Variants in NRG1 observed in about 807,000 individuals in gnomAD.
The protein encoded by NRG1 is neuregulin 1, also known as pro-neuregulin-1, membrane-bound isoform.
A neutral mutation model predicts 63.8 loss-of-function variants in NRG1; 18 were observed. That is an observed-to-expected ratio of 0.28 (90% CI 0.19 to 0.42). The LOEUF is 0.42. Ranked by LOEUF, NRG1 falls within the 10% of genes least tolerant of loss-of-function variation. The pLI is 1.00. For missense variants in NRG1, 762 were observed against 814.7 expected (o/e 0.94, Z 0.79); for synonymous variants, 302 against 301.3 (o/e 1.00, Z -0.02).
intron 1 of NRG1, among the ~76,000 whole-genome samples, chr8:31,695,714 A>C (rs555577636): frequency 2.3e-4 from 35 of 152,336 alleles, no homozygotes; most frequent in African/African-American, 7.9e-4. Flanking sequence ...CTTATAAACC[A>C]TTCTATTTTT....
intron 1 of NRG1, among the ~76,000 whole-genome samples, chr8:32,291,157 C>T (rs936489794): frequency 5.3e-5 from 8 of 152,138 alleles, no homozygotes; most frequent in African/African-American, 1.9e-4. Context: ...TTGTTCTCTT[C>T]GTGTCTTCAA....
At chr8:31,916,054 T>C (rs1833353992) in intron 1 of NRG1, among the ~76,000 whole-genome samples, 1 of 152,106 alleles carries the variant, frequency 6.6e-6, no homozygotes, top group Non-Finnish European at 1.5e-5. Context: ...CGTTAATTGA[T>C]GATACATTTT....
intron 1 of NRG1, among the ~76,000 whole-genome samples, chr8:31,664,932 C>T (rs1806371587): frequency 1.3e-5 from 2 of 152,066 alleles, no homozygotes; most frequent in South Asian, 4.2e-4. Context: ...AATAACTATC[C>T]CATAGGATTA....
At chr8:31,801,403 A>G (rs1821773613) in intron 1 of NRG1, among the ~76,000 whole-genome samples, 1 of 152,142 alleles carries the variant, frequency 6.6e-6, no homozygotes, top group Non-Finnish European at 1.5e-5. Flanking sequence ...TGTCTGCTAC[A>G]TCTTTTAGTT....
At chr8:32,017,476 CT>C (rs559921211) in intron 1 of NRG1, among the ~76,000 whole-genome samples, 276 of 152,272 alleles carry the variant, frequency 1.8e-3, no homozygotes, top group Middle Eastern at 3.4e-3. Context: ...CCAACACAGC[CT>C]GGATGGAGAT....
rs1586353694 is a variant in NRG1 at position 31,996,573 on chromosome 8, A to C, written c.37+357142A>C. The stretch of plus-strand genomic sequence containing the variant: ...AAGTGAGACCCTCTTCTCTACCAAA[A>C]AATAATTTAAAAAAAATTAGCCAGG... On this transcript the variant is annotated intron_variant, in intron 1 of 10. Coordinates refer to the NRG1 transcript ENST00000519301. Among the ~76,000 whole-genome samples the C allele has an allele frequency of 2.0e-5, 3 of 151,956 alleles. No individual in the cohort carries two copies. The South Asian group carries it at 6.2e-4, about 32-fold the overall frequency.
intron 5 of NRG1, among the ~76,000 whole-genome samples, chr8:32,661,426 G>A (rs1159354403): frequency 6.6e-6 from 1 of 152,130 alleles, no homozygotes; most frequent in Non-Finnish European, 1.5e-5. Flanking sequence ...AAGTATCTCA[G>A]TGTTATTAAA....
At chr8:31,921,420 A>G (rs972352826) in intron 1 of NRG1, among the ~76,000 whole-genome samples, 10 of 152,116 alleles carry the variant, frequency 6.6e-5, no homozygotes, top group African/African-American at 2.4e-4. Context: ...GCAATGTGGT[A>G]AAACCCTCAA....
At chr8:32,748,411 A>G (rs1827995573) in intron 7 of NRG1, among the ~76,000 whole-genome samples, 1 of 151,710 alleles carries the variant, frequency 6.6e-6, no homozygotes, top group African/African-American at 2.4e-5. Flanking sequence ...AGGAAGTCCT[A>G]GAGCCTTCCG....
intron 1 of NRG1, among the ~76,000 whole-genome samples, chr8:31,810,949 T>C (rs1822823902): frequency 6.6e-6 from 1 of 152,214 alleles, no homozygotes; most frequent in Non-Finnish European, 1.5e-5. Flanking sequence ...GATAATTCTT[T>C]TCTTTATTTC....
At chr8:31,639,748 G>A in intron 1 of NRG1, 1 of 1,357,800 alleles carries the variant, frequency 7.4e-7, no homozygotes, top group Non-Finnish European at 9.4e-7. Context: ...TTTCTATTTT[G>A]CCTTTTTTTT....
intron 1 of NRG1, among the ~76,000 whole-genome samples, chr8:32,125,167 G>A (rs1443758056): frequency 3.3e-5 from 5 of 151,878 alleles, no homozygotes; most frequent in Non-Finnish European, 4.4e-5. Context: ...AAATGTGCTG[G>A]TGCCTTGATC....
intron 1 of NRG1, among the ~76,000 whole-genome samples, chr8:32,263,677 C>G (rs1184186296): frequency 6.6e-6 from 1 of 152,140 alleles, no homozygotes; most frequent in Admixed American, 6.5e-5. Flanking sequence ...AATATTTTCC[C>G]CATACACCCA....
At chr8:32,548,915 C>G in intron 1 of NRG1, 89 bp downstream of exon 1, 1 of 1,431,450 alleles carries the variant, frequency 7.0e-7, no homozygotes, top group Non-Finnish European at 9.2e-7. Flanking sequence ...CTCTCCCTCC[C>G]CCTCTCCCTC....
chr8:31,667,627 A>G (rs144997389), intron 1 of NRG1, among the ~76,000 whole-genome samples: 8 of 152,304 alleles, frequency 5.3e-5, no homozygotes, highest in African/African-American at 1.9e-4. Context: ...AGAGAAGGTA[A>G]GAGGTGAGGC....
chr8:32,608,107 G>GTTTTTTTTTTTTT (rs1224928528), intron 3 of NRG1, among the ~76,000 whole-genome samples: 9 of 104,830 alleles, frequency 8.6e-5, no homozygotes, highest in East Asian at 4.4e-4. Context: ...TTTTTTTTTT[G>GTTTTTTTTTTTTT]TTTTTTTTTT....
intron 1 of NRG1, among the ~76,000 whole-genome samples, chr8:32,368,185 T>C (rs1401591417): frequency 6.6e-6 from 1 of 152,182 alleles, no homozygotes; most frequent in Non-Finnish European, 1.5e-5. Context: ...AGTGCAAAAG[T>C]TTATATTAGC....
At chr8:32,544,444 TTTTA>T (rs986837431), upstream of NRG1, among the ~76,000 whole-genome samples, 5 of 151,216 alleles carry the variant, frequency 3.3e-5, no homozygotes, top group African/African-American at 9.7e-5. Flanking sequence ...AGAGACAGTA[TTTTA>T]TTTGTTTCTC....
At chr8:32,015,739 A>G (rs1390637830) in intron 1 of NRG1, among the ~76,000 whole-genome samples, 1 of 152,032 alleles carries the variant, frequency 6.6e-6, no homozygotes, top group Non-Finnish European at 1.5e-5. Flanking sequence ...TCCTGACTCT[A>G]TCTGATCTAG....
Sources: allele counts gnomAD v4.1 joint callset (sites outside exome capture counted in the v4.1 genomes callset), GRCh38; gene constraint gnomAD v4.1.1; transcripts MANE v1.5; gene names NCBI Gene and HGNC (gene_info 2026-07-23, HGNC 2026-07-21).